Variants in NUAK1 observed in about 807,000 individuals in gnomAD.
NUAK1 encodes NUAK family SNF1-like kinase 1.
A neutral mutation model predicts 56.9 loss-of-function variants in NUAK1; 26 were observed. The observed-to-expected ratio is 0.46, with a 90% CI of 0.33 to 0.63. The LOEUF is 0.63. Among genes scored for constraint, NUAK1 ranks in the 30% least tolerant of loss-of-function variants. The pLI is 0.02. For missense variants in NUAK1, 727 were observed against 876.1 expected, an observed-to-expected ratio of 0.83 and a Z score of 2.15; for synonymous variants, 337 against 336.0, an observed-to-expected ratio of 1.00 and a Z score of -0.03.
chr12:106,085,889 T>G (rs1205187163), intron 3 of NUAK1, among the ~76,000 whole-genome samples: 1 of 152,050 alleles, frequency 6.6e-6, no homozygotes, highest in Admixed American at 6.5e-5. Flanking sequence ...AAAAAAAATT[T>G]TAAAGATGGA....
At chr12:106,136,241 G>T (rs1199463639) in intron 1 of NUAK1, among the ~76,000 whole-genome samples, 1 of 152,094 alleles carries the variant, frequency 6.6e-6, no homozygotes, top group African/African-American at 2.4e-5. Flanking sequence ...CATAATTTTG[G>T]GGTAAAACAA....
intron 1 of NUAK1, among the ~76,000 whole-genome samples, chr12:106,122,920 A>T (rs1395420219): frequency 6.6e-6 from 1 of 152,208 alleles, no homozygotes. Flanking sequence ...CACCCAGAGG[A>T]TCTGTTTGTT....
At chr12:106,069,233 C>G (rs1383459156) in intron 6 of NUAK1, among the ~76,000 whole-genome samples, 1 of 152,146 alleles carries the variant, frequency 6.6e-6, no homozygotes, top group Non-Finnish European at 1.5e-5. Flanking sequence ...ATGCACAGAG[C>G]AGCAAAAAGT....
At chr12:106,120,673 A>T (rs551177170) in intron 1 of NUAK1, among the ~76,000 whole-genome samples, 10 of 152,314 alleles carry the variant, frequency 6.6e-5, no homozygotes, top group African/African-American at 2.4e-4. Flanking sequence ...TGAAATAAAC[A>T]GACAGTCAAA....
rs78790299 is a variant in NUAK1 at position 106,070,850 on chromosome 12, G to A, written c.756C>T (p.Pro252=). Residue 252 remains proline, a synonymous_variant, in exon 6 of 7, where the codon CCC becomes CCT. Transcript: ENST00000261402. The part of the protein sequence containing the change: ...LLYTLVYGTM[P]FDGFDHKNLI... ...GGTTTTTGTGATCGAAACCATCGAA[G>A]GGCATTGTTCCATAAACAAGAGTGT... The A allele has an allele frequency of 3.0e-4, 486 of 1,614,166 alleles. No individual in the cohort carries two copies. Among genetic ancestry groups the A allele is most frequent in the Non-Finnish European group, 3.9e-4 (466 of 1,180,020 alleles).
At chr12:106,099,887 T>G (rs999400454) in intron 2 of NUAK1, among the ~76,000 whole-genome samples, 5 of 151,312 alleles carry the variant, frequency 3.3e-5, no homozygotes, top group Non-Finnish European at 5.9e-5. Flanking sequence ...ACCTTCCGGG[T>G]TCAAGTGATT....
intron 1 of NUAK1, among the ~76,000 whole-genome samples, chr12:106,120,338 C>G (rs1148428): frequency 6.6e-6 from 1 of 152,030 alleles, no homozygotes; most frequent in African/African-American, 2.4e-5. Context: ...TGATGTGAGA[C>G]GGCATAGAGA....
chr12:106,124,592 T>C (rs1008446400), intron 1 of NUAK1, among the ~76,000 whole-genome samples: 1 of 152,152 alleles, frequency 6.6e-6, no homozygotes, highest in African/African-American at 2.4e-5. Context: ...ATTCACAAAA[T>C]GCAGTTTCTA....
rs1331669032 is a variant in NUAK1 at position 106,067,284 on chromosome 12, G to T, written c.1504C>A (p.Pro502Thr). 3 of 1,614,082 alleles carry T rather than the reference G, an allele frequency of 1.9e-6. No individual in the cohort carries two copies. Among genetic ancestry groups the T allele is most frequent in the Non-Finnish European group, 2.5e-6 (3 of 1,179,984 alleles). Reference protein sequence around the residue: ...DSNDVMGSSIPSPSPPDPARV... With the variant: ...DSNDVMGSSITSPSPPDPARV... ...GCTGGGTCCGGGGGGCTGGGGGAGG[G>T]GATGCTGCTGCCCATCACATCATTA... Residue 502 changes from proline to threonine, a missense_variant, in exon 7 of 7, where the codon CCC (proline) becomes ACC (threonine). By Grantham distance (38) the Pro-to-Thr change is conservative. Transcript: ENST00000261402. The surrounding 1 kb of genome is among the most constrained non-coding windows in gnomAD (Gnocchi z 6.0).
At chr12:106,109,885 G>A (rs539404747) in intron 1 of NUAK1, among the ~76,000 whole-genome samples, 15 of 152,314 alleles carry the variant, frequency 9.8e-5, no homozygotes, top group Non-Finnish European at 1.9e-4. Flanking sequence ...TTAACCCAGA[G>A]TGAGTGTTCT....
intron 1 of NUAK1, among the ~76,000 whole-genome samples, chr12:106,107,399 AG>A (rs1342281594): frequency 6.6e-6 from 1 of 152,154 alleles, no homozygotes; most frequent in African/African-American, 2.4e-5. Flanking sequence ...ATTGGCTCTA[AG>A]GGGGCCAAAA....
intron 3 of NUAK1, among the ~76,000 whole-genome samples, chr12:106,085,079 C>T (rs551353095): frequency 8.5e-5 from 13 of 152,270 alleles, no homozygotes; most frequent in Non-Finnish European, 1.8e-4. Flanking sequence ...ATGCACAAAA[C>T]CGAGTCTGTT....
intron 2 of NUAK1, among the ~76,000 whole-genome samples, chr12:106,093,627 C>T (rs1389094331): frequency 2.6e-5 from 4 of 152,188 alleles, no homozygotes; most frequent in African/African-American, 9.7e-5. Flanking sequence ...GGATTTTAAG[C>T]ATCCACTGGC....
intron 2 of NUAK1, among the ~76,000 whole-genome samples, chr12:106,094,180 G>C (rs1175751530): frequency 1.3e-5 from 2 of 151,826 alleles, no homozygotes; most frequent in African/African-American, 2.4e-5. Context: ...CCACACCTTT[G>C]CCTTCCATCA....
chr12:106,108,996 TC>T (rs1199311208), intron 1 of NUAK1, among the ~76,000 whole-genome samples: 1 of 152,150 alleles, frequency 6.6e-6, no homozygotes, highest in Non-Finnish European at 1.5e-5. Context: ...TGGCTGTCTC[TC>T]CACAAAAATT....
At position 106,064,729 on chromosome 12, in the gene NUAK1, A is replaced by G. The variant is rs1269470414; in HGVS notation, c.*2073T>C. 6.6e-6 allele frequency: 1 copy of G among 152,202 alleles called. No homozygotes were observed. Among genetic ancestry groups the G allele is most frequent in the African/African-American group, 2.4e-5 (1 of 41,434 alleles). The allele number at this position is 152,202 out of a possible 1,614,324, so 9.4% of individuals were successfully genotyped here. ...GCATAGGCTGTTCAGAAAAGACTGC[A>G]TGAAATGAGGCAGGAAGTAGGGAGC... is the stretch of plus-strand genomic sequence containing the variant. On this transcript the variant is annotated 3_prime_UTR_variant, in exon 7 of 7. Transcript: ENST00000261402.
intron 2 of NUAK1, among the ~76,000 whole-genome samples, chr12:106,102,646 A>G (rs1273535771): frequency 1.3e-5 from 2 of 152,184 alleles, no homozygotes; most frequent in African/African-American, 4.8e-5. Flanking sequence ...CAGTGTCCTC[A>G]TAATAATTAT....
chr12:106,138,617 G>A lies in NUAK1; in HGVS notation c.37C>T (p.Pro13Ser), dbSNP rs1359838131. Residue 13 changes from proline (P) to serine (S), a missense_variant, in exon 1 of 7, where the codon CCC becomes TCC. Physicochemically the swap from Pro to Ser is moderately conservative, Grantham distance 74 (BLOSUM62 -1). Transcript: ENST00000261402. This position sits in a 1 kb window ranked among gnomAD's most constrained non-coding sequence, Gnocchi z 5.0. ...CCCGGCGCCCCCAGCCCCAAGTCGG[G>A]GCGGTCCCCCGCCACAGGCGCGGCG... Reference protein sequence around the residue: ...GAAAPVAGDRPDLGLGAPGSP... With the variant: ...GAAAPVAGDRSDLGLGAPGSP... 3 of 1,525,168 alleles carry A rather than the reference G, an allele frequency of 2.0e-6. No homozygotes were observed. The highest frequency in any genetic ancestry group is 1.4e-5 in the African/African-American group (1 of 72,976). The allele number at this position is 1,525,168 out of a possible 1,614,324, so 94.5% of individuals were successfully genotyped here.
intron 4 of NUAK1, among the ~76,000 whole-genome samples, chr12:106,076,878 G>A (rs2032469710): frequency 6.6e-6 from 1 of 152,176 alleles, no homozygotes; most frequent in Non-Finnish European, 1.5e-5. Context: ...CTATTCAGTG[G>A]GGACAGCGTT....
Sources: allele counts gnomAD v4.1 joint callset (sites outside exome capture counted in the v4.1 genomes callset), GRCh38; gene constraint gnomAD v4.1.1; non-coding constraint Gnocchi (gnomAD v3.1); transcripts MANE v1.5; gene names NCBI Gene and HGNC (gene_info 2026-07-23, HGNC 2026-07-21).